The following TNPO3 variants were observed in gnomAD, a reference collection of about 807,000 sequenced individuals.
TNPO3 encodes transportin 3.
A neutral mutation model predicts 122.8 loss-of-function variants in TNPO3; 65 were observed. That is an observed-to-expected ratio of 0.53 (90% CI 0.43 to 0.65). The LOEUF is 0.65. Among genes scored for constraint, TNPO3 ranks in the 30% least tolerant of loss-of-function variants. The probability of loss-of-function intolerance (pLI) is 0.00; values close to 1 mark genes in which losing one functional copy is unlikely to be tolerated. For synonymous variants in TNPO3, 372 were observed against 411.2 expected (o/e 0.90, Z 1.15); for missense variants, 850 against 1,136.7 (o/e 0.75, Z 3.63).
At chr7:128,975,154 T>C (rs759471912) in intron 17 of TNPO3, among the ~76,000 whole-genome samples, 192 bp from the exon 18 acceptor site, 20 of 152,084 alleles carry the variant, frequency 1.3e-4, no homozygotes, top group Non-Finnish European at 2.4e-4. Context: ...ACATAAACAG[T>C]TTTCACCTAT....
intron 4 of TNPO3, among the ~76,000 whole-genome samples, chr7:129,013,128 A>C (rs886236409): frequency 6.6e-6 from 1 of 152,226 alleles, no homozygotes; most frequent in African/African-American, 2.4e-5. Flanking sequence ...CTCATAATAT[A>C]CAAAAATCAA....
rs1346757798 is a variant in TNPO3, at chr7:128,955,382, A to G, written c.*35T>C. The stretch of plus-strand genomic sequence containing the variant: ...TTCCTGTCTTCTAATTAAAAAAGAC[A>G]TTCCTGACAAAAGAGATAAGACAGT... On this transcript the variant is annotated 3_prime_UTR_variant, in exon 23 of 23. Transcript: ENST00000265388. 2.2e-6 allele frequency: 1 copy of G among 456,260 alleles called. No homozygotes were observed. The highest frequency in any genetic ancestry group is 2.4e-5 in the Admixed American group (1 of 42,444). The allele number at this position is 456,260 out of a possible 1,614,324, so 28.3% of individuals were successfully genotyped here.
chr7:128,976,625 C>G (rs1476121495), intron 16 of TNPO3, among the ~76,000 whole-genome samples: 1 of 152,122 alleles, frequency 6.6e-6, no homozygotes, highest in Non-Finnish European at 1.5e-5. Flanking sequence ...AGGTGTGCAC[C>G]ACCATGCCCG....
rs56226072 is a variant in TNPO3 at position 129,003,039 on chromosome 7, CAA to C, written c.697-1807_697-1806del. Among the ~76,000 whole-genome samples, 187 of 53,264 alleles carry C rather than the reference CAA, an allele frequency of 3.5e-3. 1 individual carries two copies. Among genetic ancestry groups the C allele is most frequent in the Non-Finnish European group, 4.9e-3 (165 of 33,428 alleles). 34.9% of individuals were successfully genotyped at this position (53,264 alleles called of 152,430 possible). On this transcript the variant is annotated intron_variant, in intron 5 of 22. Coordinates refer to ENST00000265388, the MANE Select transcript of TNPO3 (RefSeq NM_012470.4). ...CCGGCGACAGAGCGAGACTCCCTCT[CAA>C]AAAAAAAAAAAAAAAAAAAAAAATA... is the stretch of plus-strand genomic sequence containing the variant.
At chr7:129,019,869 A>G (rs150492347) in intron 1 of TNPO3, among the ~76,000 whole-genome samples, 324 of 152,108 alleles carry the variant, frequency 2.1e-3, no homozygotes, top group Non-Finnish European at 3.8e-3. Flanking sequence ...AGTGGCACTC[A>G]CCTGCAATCC....
At chr7:128,977,599 CTTTTTTTT>C (rs57577501) in intron 16 of TNPO3, among the ~76,000 whole-genome samples, 5 of 135,756 alleles carry the variant, frequency 3.7e-5, no homozygotes, top group South Asian at 2.4e-4. Flanking sequence ...TTTCTTTTTT[CTTTTTTTT>C]TTTTTTTGAG....
At chr7:128,998,543 C>T (rs1306765378) in intron 7 of TNPO3, among the ~76,000 whole-genome samples, 3 of 151,804 alleles carry the variant, frequency 2.0e-5, no homozygotes, top group East Asian at 2.0e-4. Flanking sequence ...TTTTCTGTAG[C>T]GACAGGGTCT....
chr7:129,022,219 T>TACAA (rs1804604236), intron 1 of TNPO3, among the ~76,000 whole-genome samples: 1 of 152,060 alleles, frequency 6.6e-6, no homozygotes, highest in Admixed American at 6.6e-5. Context: ...ATTCTGTCTC[T>TACAA]ACAAAAAATT....
At chr7:128,987,620 C>T (rs1800302492) in intron 11 of TNPO3, among the ~76,000 whole-genome samples, 1 of 152,070 alleles carries the variant, frequency 6.6e-6, no homozygotes, top group Admixed American at 6.6e-5. Context: ...TCACTCTGTC[C>T]CACAGGCTGG....
rs977205285 is a variant in TNPO3 at position 129,005,104 on chromosome 7, C to T, written c.608G>A (p.Arg203His). The change falls in exon 5 of 23, where the codon CGC becomes CAC. Residue 203 changes from arginine to histidine, a missense_variant. Physicochemically the swap from Arg to His is conservative, Grantham distance 29 (BLOSUM62 0). Transcript: ENST00000265388. ...CAAGTTAAACCAACTTCCCAAACAG[C>T]GAAAAACCTTCATAAGCATTTTCTC... ...TDEKMLMKVF[R>H]CLGSWFNLGV... 8.1e-6 allele frequency: 13 copies of T among 1,613,748 alleles called. No individual in the cohort carries two copies. Among genetic ancestry groups the T allele is most frequent in the East Asian group, 4.5e-5 (2 of 44,844 alleles).
chr7:129,000,613 A>G, intron 6 of TNPO3, 46 bp from the exon 7 acceptor site: 1 of 1,572,282 alleles, frequency 6.4e-7, no homozygotes. Flanking sequence ...AAATCTGGAT[A>G]TTATAAGTAT....
At chr7:128,957,402 A>C in intron 21 of TNPO3, 87 bp from the exon 22 acceptor site, 2 of 1,313,104 alleles carry the variant, frequency 1.5e-6, no homozygotes, top group Non-Finnish European at 1.1e-6. Context: ...GCACACTGAG[A>C]ACCGTCCCAA....
At chr7:128,984,335 T>G in intron 12 of TNPO3, 76 bp from the exon 13 acceptor site, 1 of 993,226 alleles carries the variant, frequency 1.0e-6, no homozygotes, top group Non-Finnish European at 1.5e-6. Context: ...ATCATGTGAG[T>G]GACCAGAAAA....
intron 16 of TNPO3, among the ~76,000 whole-genome samples, chr7:128,976,635 G>A (rs949239647): frequency 5.9e-5 from 9 of 152,070 alleles, no homozygotes; most frequent in South Asian, 2.1e-4. Flanking sequence ...CACCATGCCC[G>A]GCCACGATAT....
At chr7:129,049,057 C>A (rs913362636) in intron 1 of TNPO3, among the ~76,000 whole-genome samples, 38 of 152,162 alleles carry the variant, frequency 2.5e-4, no homozygotes, top group African/African-American at 8.4e-4. Context: ...TGAAGAGAAG[C>A]AGGTAAGCCT....
chr7:128,978,127 C>T (rs986865216), intron 16 of TNPO3, among the ~76,000 whole-genome samples: 1 of 152,228 alleles, frequency 6.6e-6, no homozygotes, highest in Non-Finnish European at 1.5e-5. Context: ...GCCCTAGGCA[C>T]TGGCATCCTG....
chr7:128,967,330 G>A lies in TNPO3; in HGVS notation c.2661C>T (p.Ala887=), dbSNP rs8043. ...KGLPKETTVG[A]VTVTHKQLTD... Reference sequence around the variant, plus strand: ...TAAGTTGTTTGTGTGTCACTGTGACGGCTCCCACGGTTGTTTCCTTTGGCA... The same window carrying A: ...TAAGTTGTTTGTGTGTCACTGTGACAGCTCCCACGGTTGTTTCCTTTGGCA... The change falls in exon 21 of 23, where the codon GCC becomes GCT. Residue 887 remains alanine (A), a synonymous_variant. Coordinates refer to ENST00000265388, the MANE Select transcript of TNPO3 (RefSeq NM_012470.4). 0.49 allele frequency: 797,717 copies of A among 1,611,936 alleles called. 199,421 individuals are homozygous for A. The highest frequency in any genetic ancestry group is 0.5 in the Non-Finnish European group (593,833 of 1,178,356).
chr7:128,964,716 C>T (rs748160241), intron 21 of TNPO3, among the ~76,000 whole-genome samples: 12 of 152,118 alleles, frequency 7.9e-5, no homozygotes, highest in African/African-American at 1.2e-4. Flanking sequence ...GTAATCAAAA[C>T]AGCATGGTAT....
chr7:128,997,151 C>T (rs1801421933), intron 8 of TNPO3, among the ~76,000 whole-genome samples: 1 of 152,106 alleles, frequency 6.6e-6, no homozygotes, highest in Admixed American at 6.6e-5. Flanking sequence ...TGCCACCAGG[C>T]CCAGCTAATT....
Sources: gnomAD v4.1 joint callset for allele counts (sites outside exome capture counted in the v4.1 genomes callset) on GRCh38, gnomAD v4.1.1 for gene constraint, MANE v1.5 for transcripts, NCBI Gene and HGNC (gene_info 2026-07-23, HGNC 2026-07-21) for gene names.